PCDHGB3: variants seen among roughly 807,000 people sequenced by gnomAD.
PCDHGB3 encodes the protein protocadherin gamma-B3.
Under a neutral mutation model 59.2 loss-of-function variants are expected in PCDHGB3, and 40 were observed. The ratio of observed to expected loss-of-function variants is 0.68; its 90% CI spans 0.52 to 0.88. The LOEUF (loss-of-function observed/expected upper bound fraction) is 0.88. Ranked by LOEUF, PCDHGB3 falls within the 40% of genes least tolerant of loss-of-function variation. The pLI, the probability that PCDHGB3 is intolerant of heterozygous loss-of-function variation, is 0.00. For missense variants in PCDHGB3, 1,309 were observed against 1,187.9 expected (o/e 1.10, Z -1.50); for synonymous variants, 581 against 503.6 (o/e 1.15, Z -2.06).
At chr5:141,381,441 G>A (rs1777194515) in intron 1 of PCDHGB3, among the ~76,000 whole-genome samples, 1 of 152,202 alleles carries the variant, frequency 6.6e-6, no homozygotes, top group Admixed American at 6.5e-5. Flanking sequence ...ATCCTGTCAG[G>A]ACAGTCCTGC....
At chr5:141,408,051 C>A in intron 1 of PCDHGB3, 3 of 1,264,368 alleles carry the variant, frequency 2.4e-6, no homozygotes, top group Non-Finnish European at 3.2e-6. Context: ...CCACACAGAG[C>A]CTCCCGGCTG....
At chr5:141,387,675 C>G in intron 1 of PCDHGB3, 1 of 729,278 alleles carries the variant, frequency 1.4e-6, no homozygotes, top group Non-Finnish European at 2.2e-6. Flanking sequence ...CAGATCTCCT[C>G]GCGCAGCCGC....
chr5:141,370,349 G>C lies in PCDHGB3; in HGVS notation c.-46G>C, dbSNP rs371382232. 27 of 1,496,692 alleles carry C rather than the reference G, an allele frequency of 1.8e-5. No homozygotes were observed. The highest frequency in any genetic ancestry group is 2.3e-5 in the Non-Finnish European group (26 of 1,117,310). The allele number at this position is 1,496,692 out of a possible 1,614,324, so 92.7% of individuals were successfully genotyped here. On this transcript the variant is annotated 5_prime_UTR_variant, in exon 1 of 4. Transcript: ENST00000576222. Reference sequence around the variant, plus strand: ...CGGAGAACTCTTGGGATTATTTAAAGATCTCCTCTCCTCGGATTTAGAAAG... The same window carrying C: ...CGGAGAACTCTTGGGATTATTTAAACATCTCCTCTCCTCGGATTTAGAAAG...
Position 141,422,925 on chromosome 5 carries a change from T to G in PCDHGB3, c.2415+50116T>G, listed in dbSNP as rs568894245. On this transcript the variant is annotated intron_variant, in intron 1 of 3. Transcript: ENST00000576222. ...ACAATGCGCCCGAGATCCTGTACCC[T>G]GCCCTCCCCACAGACGGCTCCACTG... 1.9e-6 allele frequency: 3 copies of G among 1,614,202 alleles called. No individual in the cohort carries two copies. The Admixed American group carries it at 5.0e-5, about 27-fold the overall frequency.
Position 141,491,265 on chromosome 5 carries a change from CA to C in PCDHGB3, c.2416-3539del. ...AGGATGAGGACCCTGAGGAAATGCC[CA>C]AATCCAGTGACTTCCTCATACACCC... On this transcript the variant is annotated intron_variant, in intron 1 of 3. Coordinates refer to ENST00000576222, the MANE Select transcript of PCDHGB3 (RefSeq NM_018924.5). This position sits in a 1 kb window ranked among gnomAD's most constrained non-coding sequence, Gnocchi z 6.9. 1 of 1,614,074 alleles carries C rather than the reference CA, an allele frequency of 6.2e-7. No individual in the cohort carries two copies.
chr5:141,414,793 G>A lies in PCDHGB3; in HGVS notation c.2415+41984G>A, dbSNP rs756653393. On this transcript the variant is annotated intron_variant, in intron 1 of 3. Transcript: ENST00000576222. ...GCTACAGATGCAGGTGACAGCCAGCGACAGCGGGGATCCTCCACTCAGCAG... is the reference window on the plus strand; with the variant it reads ...GCTACAGATGCAGGTGACAGCCAGCAACAGCGGGGATCCTCCACTCAGCAG... 2.5e-6 allele frequency: 4 copies of A among 1,614,100 alleles called. No individual in the cohort carries two copies. The African/African-American group carries it at 4.0e-5, about 16-fold the overall frequency.
chr5:141,378,334 C>T (rs1228314593), intron 1 of PCDHGB3: 1 of 152,202 alleles, frequency 6.6e-6, no homozygotes, highest in East Asian at 1.9e-4. Flanking sequence ...ACCAGCCTGA[C>T]CAACATGGTG....
intron 1 of PCDHGB3, chr5:141,388,948 T>C (rs751779962): frequency 7.4e-6 from 12 of 1,613,904 alleles, no homozygotes; most frequent in Admixed American, 1.7e-5. Context: ...AACCTAATTA[T>C]GGAGGACGCC....
intron 1 of PCDHGB3, chr5:141,421,633 G>C (rs1369645749): frequency 1.9e-6 from 3 of 1,613,716 alleles, no homozygotes; most frequent in Non-Finnish European, 2.5e-6. Context: ...CAGCTTCCAG[G>C]AGGACGAAGT....
At chr5:141,464,862 C>T (rs1166573359) in intron 1 of PCDHGB3, among the ~76,000 whole-genome samples, 1 of 152,076 alleles carries the variant, frequency 6.6e-6, no homozygotes, top group African/African-American at 2.4e-5. Context: ...CCTTAGCCTC[C>T]CAAGTAGCTA....
intron 1 of PCDHGB3, chr5:141,419,136 A>G: frequency 1.9e-6 from 3 of 1,613,918 alleles, no homozygotes; most frequent in Non-Finnish European, 1.7e-6. Context: ...GCAGCCACAG[A>G]CAGGGGCAAG....
Position 141,427,790 on chromosome 5 carries a change from C to T in PCDHGB3, c.2415+54981C>T, listed in dbSNP as rs1212280689. ...TGGAGCTGCGGGCACTGTCGTCCTACGTGTCCGTGAGCGCACAGAGCGGGG... is the reference window on the plus strand; with the variant it reads ...TGGAGCTGCGGGCACTGTCGTCCTATGTGTCCGTGAGCGCACAGAGCGGGG... On this transcript the variant is annotated intron_variant, in intron 1 of 3. Transcript: ENST00000576222. 2.0e-6 allele frequency: 3 copies of T among 1,482,108 alleles called. No homozygotes were observed. The Admixed American group carries it at 5.0e-5, about 25-fold the overall frequency. 91.8% of individuals were successfully genotyped at this position (1,482,108 alleles called of 1,614,324 possible).
In PCDHGB3 at chr5:141,404,831, C is replaced by T. The variant is rs760971907; in HGVS notation, c.2415+32022C>T. 12 of 1,613,738 alleles carry T rather than the reference C, an allele frequency of 7.4e-6. No homozygotes were observed. The highest frequency in any genetic ancestry group is 3.3e-5 in the Admixed American group (2 of 59,978). On this transcript the variant is annotated intron_variant, in intron 1 of 3. Transcript: ENST00000576222. ...GGTGGGGCTGCACACAGGTGAAGTGCGCACAGCTCGGGCCCTGCTAGATAG... is the reference window on the plus strand; with the variant it reads ...GGTGGGGCTGCACACAGGTGAAGTGTGCACAGCTCGGGCCCTGCTAGATAG...
Position 141,370,402 on chromosome 5 carries a change from A to G in PCDHGB3, c.8A>G (p.Asn3Ser), listed in dbSNP as rs541569664. The G allele has an allele frequency of 1.3e-6, 2 of 1,554,130 alleles. No homozygotes were observed. Among genetic ancestry groups the G allele is most frequent in the Non-Finnish European group, 8.7e-7 (1 of 1,152,912 alleles). ...AAAGGCGCAGAGAGCGGGATGGGAA[A>G]TAGCTCCGGATGGAGGGGCCCAGCA... MG[N>S]SSGWRGPAGQ... Residue 3 changes from asparagine (N) to serine (S), a missense_variant, in exon 1 of 4, where the codon AAT becomes AGT. By Grantham distance (46) the Asn-to-Ser change is conservative (BLOSUM62 1). Transcript: ENST00000576222.
intron 1 of PCDHGB3, among the ~76,000 whole-genome samples, chr5:141,435,885 C>T (rs2097784639): frequency 6.6e-6 from 1 of 152,088 alleles, no homozygotes; most frequent in Non-Finnish European, 1.5e-5. Context: ...TTGGAAACCC[C>T]TTAGAGAATG....
At chr5:141,409,942 C>T (rs1168442761) in intron 1 of PCDHGB3, 4 of 1,613,284 alleles carry the variant, frequency 2.5e-6, no homozygotes, top group South Asian at 1.1e-5. Flanking sequence ...TGGTACCTCG[C>T]TCTGCAGAGC....
At chr5:141,394,436 C>T in intron 1 of PCDHGB3, 1 of 1,614,234 alleles carries the variant, frequency 6.2e-7, no homozygotes, top group South Asian at 1.1e-5. Context: ...GGGACCCGCC[C>T]CTCAGCAGCA....
intron 1 of PCDHGB3, chr5:141,420,396 A>C: frequency 8.0e-7 from 1 of 1,250,930 alleles, no homozygotes; most frequent in Non-Finnish European, 1.1e-6. Context: ...ATATAGGTCA[A>C]ATTTATGGTT....
chr5:141,407,317 T>G (rs1268885358), intron 1 of PCDHGB3, among the ~76,000 whole-genome samples: 1 of 152,198 alleles, frequency 6.6e-6, no homozygotes, highest in Non-Finnish European at 1.5e-5. Flanking sequence ...TCATACTTAG[T>G]ATTTATAAAT....
Sources: allele counts gnomAD v4.1 joint callset (sites outside exome capture counted in the v4.1 genomes callset), GRCh38; gene constraint gnomAD v4.1.1; non-coding constraint Gnocchi (gnomAD v3.1); transcripts MANE v1.5; gene names NCBI Gene and HGNC (gene_info 2026-07-23, HGNC 2026-07-21).